MSL2: variants seen among roughly 807,000 people sequenced by gnomAD.
MSL2 encodes MSL complex subunit 2, also known as E3 ubiquitin-protein ligase MSL2.
MSL2 carries 2 observed loss-of-function variants against 35.8 expected under a neutral mutation model. The ratio of observed to expected loss-of-function variants is 0.06; its 90% CI spans 0.02 to 0.18. MSL2 has a LOEUF of 0.18. MSL2 is among the 10% of genes least tolerant of loss of function. MSL2 has a pLI of 1.00. For missense variants in MSL2, 523 were observed against 706.7 expected (o/e 0.74, Z 2.95); for synonymous variants, 296 against 255.7 (o/e 1.16, Z -1.50).
intron 1 of MSL2, among the ~76,000 whole-genome samples, chr3:136,187,707 A>G (rs1476347860): frequency 1.3e-5 from 2 of 151,922 alleles, no homozygotes; most frequent in African/African-American, 4.8e-5. Flanking sequence ...CCAAATTAAT[A>G]TTTTCTAAAA....
At chr3:136,160,770 G>A (rs1367068220) in intron 1 of MSL2, among the ~76,000 whole-genome samples, 1 of 151,422 alleles carries the variant, frequency 6.6e-6, no homozygotes, top group Non-Finnish European at 1.5e-5. Context: ...GCAAAAATCT[G>A]AATAAACATT....
chr3:136,158,220 G>C (rs987828300), intron 1 of MSL2, among the ~76,000 whole-genome samples: 1 of 151,922 alleles, frequency 6.6e-6, no homozygotes. Flanking sequence ...GCTGAGGCAG[G>C]AGAATCGCTT....
In MSL2 at chr3:136,151,126, AG is replaced by A; in HGVS notation, c.*20del. 6.3e-7 allele frequency: 1 copy of A among 1,599,104 alleles called. No homozygotes were observed. The highest frequency in any genetic ancestry group is 8.6e-7 in the Non-Finnish European group (1 of 1,168,266). On this transcript the variant is annotated 3_prime_UTR_variant, in exon 2 of 2. Transcript: ENST00000309993. The surrounding 1 kb of genome is among the most constrained non-coding windows in gnomAD (Gnocchi z 5.2). ...CTGTAGCTATTTCCCTACCAGGAGT[AG>A]GTTTAAAAGACCCACTGATTTAACA...
chr3:136,169,647 A>C (rs1939961992), intron 1 of MSL2, among the ~76,000 whole-genome samples: 1 of 151,868 alleles, frequency 6.6e-6, no homozygotes, highest in Non-Finnish European at 1.5e-5. Context: ...ACGGGGTTTC[A>C]CCATGTTGGC....
chr3:136,187,895 T>G (rs985135514), intron 1 of MSL2, among the ~76,000 whole-genome samples: 4 of 152,094 alleles, frequency 2.6e-5, no homozygotes, highest in African/African-American at 7.2e-5. Flanking sequence ...TGGATTTTAA[T>G]AAGCTTTTAG....
intron 1 of MSL2, among the ~76,000 whole-genome samples, chr3:136,157,006 CTGTATATA>C (rs1939550884): frequency 6.6e-6 from 1 of 152,172 alleles, no homozygotes; most frequent in East Asian, 1.9e-4. Context: ...TTAAAACACA[CTGTATATA>C]TGTGTATGCA....
intron 1 of MSL2, among the ~76,000 whole-genome samples, chr3:136,158,486 C>T (rs1313741468): frequency 1.3e-5 from 2 of 152,084 alleles, no homozygotes; most frequent in South Asian, 2.1e-4. Flanking sequence ...GTGGTGGGCA[C>T]CAAAAAATCT....
chr3:136,152,760 G>A, intron 1 of MSL2, 22 bp from the exon 2 acceptor site: 1 of 1,598,834 alleles, frequency 6.3e-7, no homozygotes, highest in Admixed American at 1.8e-5. Flanking sequence ...AAGGAGGAAA[G>A]CAAAGATTTT....
At position 136,150,971 on chromosome 3, in the gene MSL2, T is replaced by G. The variant is rs914732568; in HGVS notation, c.*176A>C. 45 of 662,316 alleles carry G rather than the reference T, an allele frequency of 6.8e-5. 1 individual carries two copies. The highest frequency in any genetic ancestry group is 5.8e-4 in the South Asian group (29 of 49,944). 41.0% of individuals were successfully genotyped at this position (662,316 alleles called of 1,614,324 possible). A position where few individuals can be genotyped will look rare whatever the true frequency, so the allele number is the denominator to read the frequency against. On this transcript the variant is annotated 3_prime_UTR_variant, in exon 2 of 2. Transcript: ENST00000309993. ...TAAGGACATATAGTTGTAGGGTTACTCCTCCATTATCTGCAAACTATTTCC... is the reference window on the plus strand; with the variant it reads ...TAAGGACATATAGTTGTAGGGTTACGCCTCCATTATCTGCAAACTATTTCC...
At position 136,181,845 on chromosome 3, in the gene MSL2, G is replaced by A. The variant is rs544908997; in HGVS notation, c.142+13127C>T. Among the ~76,000 whole-genome samples the A allele has an allele frequency of 7.2e-5, 11 of 152,088 alleles. No individual in the cohort carries two copies. The South Asian group carries it at 2.3e-3, about 32-fold the overall frequency. ...GAGGCAGAAGAACTGCTGGAACCCA[G>A]GAGACGAAGGTTGCAGTGAGCCAAC... On this transcript the variant is annotated intron_variant, in intron 1 of 1. Transcript: ENST00000309993.
chr3:136,161,686 G>A (rs1170427889), intron 1 of MSL2, among the ~76,000 whole-genome samples: 1 of 152,164 alleles, frequency 6.6e-6, no homozygotes, highest in African/African-American at 2.4e-5. Context: ...GTTGCCTAGG[G>A]CTGAGAGTGG....
intron 1 of MSL2, among the ~76,000 whole-genome samples, chr3:136,164,207 T>C (rs1939779999): frequency 6.6e-6 from 1 of 152,188 alleles, no homozygotes; most frequent in Non-Finnish European, 1.5e-5. Flanking sequence ...CACCAAATCA[T>C]GGAGAAGTTT....
intron 1 of MSL2, among the ~76,000 whole-genome samples, chr3:136,167,257 A>G (rs1243726263): frequency 6.6e-6 from 1 of 152,174 alleles, no homozygotes; most frequent in Non-Finnish European, 1.5e-5. Context: ...CTCATTTTAA[A>G]GTTCACATGC....
chr3:136,164,381 C>T (rs1454577883), intron 1 of MSL2, among the ~76,000 whole-genome samples: 1 of 152,180 alleles, frequency 6.6e-6, no homozygotes, highest in Non-Finnish European at 1.5e-5. Context: ...GGCACCAAAA[C>T]TCACTTAGCT....
intron 1 of MSL2, among the ~76,000 whole-genome samples, chr3:136,186,440 A>C (rs1023355070): frequency 6.6e-6 from 1 of 152,226 alleles, no homozygotes; most frequent in Admixed American, 6.5e-5. Flanking sequence ...TTGGCCTGTT[A>C]GGAACCAGGC....
chr3:136,183,959 G>A (rs1221149891), intron 1 of MSL2, among the ~76,000 whole-genome samples: 1 of 152,152 alleles, frequency 6.6e-6, no homozygotes, highest in Non-Finnish European at 1.5e-5. Context: ...TCTTATCCAG[G>A]TAATAAGATT....
chr3:136,162,658 ATCTG>A (rs1559961041), intron 1 of MSL2, among the ~76,000 whole-genome samples: 1 of 152,236 alleles, frequency 6.6e-6, no homozygotes, highest in African/African-American at 2.4e-5. Context: ...TCTGAGTTTA[ATCTG>A]TCTTATAGAT....
At chr3:136,169,472 G>C (rs989757311) in intron 1 of MSL2, among the ~76,000 whole-genome samples, 4 of 151,732 alleles carry the variant, frequency 2.6e-5, no homozygotes, top group African/African-American at 9.7e-5. Flanking sequence ...TTTTTGAGAC[G>C]CAGTCTCACT....
At chr3:136,191,884 T>C (rs1448026245) in intron 1 of MSL2, among the ~76,000 whole-genome samples, 1 of 152,250 alleles carries the variant, frequency 6.6e-6, no homozygotes, top group Non-Finnish European at 1.5e-5. Context: ...GCAATGTGCC[T>C]ACACAGTAAG....
Sources: gnomAD v4.1 joint callset for allele counts (sites outside exome capture counted in the v4.1 genomes callset) on GRCh38, gnomAD v4.1.1 for gene constraint, Gnocchi (gnomAD v3.1) non-coding constraint, MANE v1.5 for transcripts, NCBI Gene and HGNC (gene_info 2026-07-23, HGNC 2026-07-21) for gene names.